DGLUCY: variants seen among roughly 807,000 people sequenced by gnomAD.
DGLUCY encodes D-glutamate cyclase.
Under a neutral mutation model 58.5 loss-of-function variants are expected in DGLUCY, and 58 were observed. The ratio of observed to expected loss-of-function variants is 0.99; its 90% CI spans 0.80 to 1.23. The LOEUF is 1.23. Among genes scored for constraint, DGLUCY ranks in the 50% most tolerant of loss-of-function variants. The probability of loss-of-function intolerance (pLI) is 0.00; values close to 1 mark genes in which losing one functional copy is unlikely to be tolerated. For synonymous variants in DGLUCY, 325 were observed against 314.1 expected, an observed-to-expected ratio of 1.03 and a Z score of -0.37; for missense variants, 779 against 784.7, an observed-to-expected ratio of 0.99 and a Z score of 0.09.
chr14:91,075,932 G>C (rs1351428912), intron 1 of DGLUCY, among the ~76,000 whole-genome samples: 1 of 152,172 alleles, frequency 6.6e-6, no homozygotes, highest in Non-Finnish European at 1.5e-5. Context: ...GGCCAACATG[G>C]TGAAACCCCA....
At chr14:91,110,580 G>A (rs768462570), upstream of DGLUCY, among the ~76,000 whole-genome samples, 1 of 151,646 alleles carries the variant, frequency 6.6e-6, no homozygotes, top group Non-Finnish European at 1.5e-5. Context: ...ACAGGCGCCC[G>A]CCACCATGCC....
chr14:91,090,186 T>C (rs1162484309), intron 1 of DGLUCY, among the ~76,000 whole-genome samples: 1 of 151,976 alleles, frequency 6.6e-6, no homozygotes, highest in African/African-American at 2.4e-5. Context: ...GGAAAACACC[T>C]TGTTCCAGAC....
At chr14:91,086,910 C>T (rs1208442285) in intron 1 of DGLUCY, among the ~76,000 whole-genome samples, 1 of 152,126 alleles carries the variant, frequency 6.6e-6, no homozygotes, top group Non-Finnish European at 1.5e-5. Flanking sequence ...CACCACCACA[C>T]CTGGCTAATT....
intron 1 of DGLUCY, among the ~76,000 whole-genome samples, chr14:91,155,478 C>T (rs1266886285): frequency 1.3e-5 from 2 of 152,130 alleles, no homozygotes; most frequent in Non-Finnish European, 2.9e-5. Context: ...AAGAGATAAA[C>T]GTGTTTTTAT....
At chr14:91,169,170 C>T (rs1374541482) in intron 4 of DGLUCY, among the ~76,000 whole-genome samples, 1 of 152,076 alleles carries the variant, frequency 6.6e-6, no homozygotes, top group Non-Finnish European at 1.5e-5. Context: ...AGCCCCATCG[C>T]CCAGCATGTG....
chr14:91,176,208 T>G, intron 7 of DGLUCY, 152 bp downstream of exon 7: 9 of 955,326 alleles, frequency 9.4e-6, no homozygotes, highest in East Asian at 2.9e-5. Flanking sequence ...AGTGAATCTC[T>G]CTCTGGTTTC....
intron 1 of DGLUCY, among the ~76,000 whole-genome samples, chr14:91,149,714 G>C (rs1248492269): frequency 6.6e-6 from 1 of 152,218 alleles, no homozygotes; most frequent in East Asian, 1.9e-4. Flanking sequence ...TACAGGCCAA[G>C]CAAACTGTGA....
In DGLUCY at chr14:91,118,065, A is replaced by C. The variant is rs1247076610; in HGVS notation, c.-82+3782A>C. On this transcript the variant is annotated intron_variant, in intron 1 of 13. Coordinates refer to ENST00000256324, the MANE Select transcript of DGLUCY (RefSeq NM_001102368.3). ...CAGACTTCAGAGAGAATGGATGGTA[A>C]ATTCTCCCCGCCCCCCCCCCCCCTT... Among the ~76,000 whole-genome samples, 7 of 89,822 alleles carry C rather than the reference A, an allele frequency of 7.8e-5. No homozygotes were observed. The East Asian group carries it at 3.1e-3, about 40-fold the overall frequency. 58.9% of individuals were successfully genotyped at this position (89,822 alleles called of 152,430 possible).
At chr14:91,063,383 A>G (rs1307064766) in intron 1 of DGLUCY, among the ~76,000 whole-genome samples, 1 of 152,128 alleles carries the variant, frequency 6.6e-6, no homozygotes, top group Non-Finnish European at 1.5e-5. Context: ...AACTCCTTGC[A>G]TAATCACTCA....
At chr14:91,130,205 GATTTTA>G (rs1482079286) in intron 1 of DGLUCY, among the ~76,000 whole-genome samples, 1 of 151,994 alleles carries the variant, frequency 6.6e-6, no homozygotes, top group Non-Finnish European at 1.5e-5. Context: ...CATTCTTGTC[GATTTTA>G]ATTTTTGTCA....
chr14:91,174,765 C>T (rs1467352470), intron 6 of DGLUCY, among the ~76,000 whole-genome samples: 10 of 152,096 alleles, frequency 6.6e-5, no homozygotes, highest in Non-Finnish European at 1.0e-4. Flanking sequence ...TTCTGGAGGC[C>T]CAGACTTGCA....
intron 8 of DGLUCY, among the ~76,000 whole-genome samples, chr14:91,187,473 T>A (rs1176265861): frequency 6.6e-6 from 1 of 152,212 alleles, no homozygotes; most frequent in Non-Finnish European, 1.5e-5. Context: ...AAAGGCACAA[T>A]GGGACCTCAT....
At chr14:91,099,361 C>T (rs532637634) in intron 1 of DGLUCY, among the ~76,000 whole-genome samples, 28 of 152,092 alleles carry the variant, frequency 1.8e-4, no homozygotes, top group Non-Finnish European at 3.5e-4. Context: ...GGTGAAACCC[C>T]GTCTCTACAA....
intron 1 of DGLUCY, among the ~76,000 whole-genome samples, chr14:91,081,777 C>T (rs1006558292): frequency 5.3e-4 from 80 of 151,596 alleles, no homozygotes; most frequent in African/African-American, 1.5e-3. Context: ...AGTCTCACTC[C>T]GTCACCCAGG....
chr14:91,101,214 C>T (rs528813025), intron 1 of DGLUCY, among the ~76,000 whole-genome samples: 2 of 152,152 alleles, frequency 1.3e-5, no homozygotes, highest in South Asian at 2.1e-4. Flanking sequence ...ATAGGTACAA[C>T]GCTGGGCAGA....
At chr14:91,063,827 G>A (rs181075339) in intron 1 of DGLUCY, among the ~76,000 whole-genome samples, 4 of 152,170 alleles carry the variant, frequency 2.6e-5, no homozygotes, top group African/African-American at 7.2e-5. Flanking sequence ...AGCAGTAGAA[G>A]GAATTTAAAC....
intron 1 of DGLUCY, chr14:91,128,711 A>G (rs1333083797): frequency 6.6e-6 from 1 of 151,660 alleles, no homozygotes; most frequent in Non-Finnish European, 1.5e-5. Flanking sequence ...GCTGATTTTC[A>G]TGGAGCTCTA....
intron 1 of DGLUCY, among the ~76,000 whole-genome samples, chr14:91,152,018 A>C (rs1015111100): frequency 1.4e-4 from 21 of 152,264 alleles, no homozygotes; most frequent in Admixed American, 3.9e-4. Context: ...TACCTTACTC[A>C]GCTCCACCTT....
chr14:91,142,820 A>G, intron 1 of DGLUCY, among the ~76,000 whole-genome samples: 1 of 1,368 alleles, frequency 7.3e-4, no homozygotes, highest in Non-Finnish European at 2.2e-3. Context: ...ACACACACAC[A>G]CAACACACCA....
Sources: allele counts gnomAD v4.1 joint callset (sites outside exome capture counted in the v4.1 genomes callset), GRCh38; gene constraint gnomAD v4.1.1; transcripts MANE v1.5; gene names NCBI Gene and HGNC (gene_info 2026-07-23, HGNC 2026-07-21).